The following FAF1 variants were observed in gnomAD, a reference collection of about 807,000 sequenced individuals.
FAF1 encodes the protein FAS-associated factor 1.
In FAF1, 25 loss-of-function variants were observed where a neutral mutation model predicts 92.5. That is an observed-to-expected ratio of 0.27 (90% CI 0.20 to 0.38). The LOEUF is 0.38. Ranked by LOEUF, FAF1 falls within the 10% of genes least tolerant of loss-of-function variation. The pLI, the probability that FAF1 is intolerant of heterozygous loss-of-function variation, is 1.00. For missense variants in FAF1, 636 were observed against 793.3 expected (o/e 0.80, Z 2.38); for synonymous variants, 234 against 273.2 (o/e 0.86, Z 1.42).
intron 7 of FAF1, among the ~76,000 whole-genome samples, chr1:50,705,444 A>C (rs927398030): frequency 2.0e-5 from 3 of 152,250 alleles, no homozygotes; most frequent in African/African-American, 2.4e-5. Context: ...CTTTCAAATA[A>C]AATATAAGCA....
intron 1 of FAF1, among the ~76,000 whole-genome samples, chr1:50,896,209 C>A (rs567375643): frequency 6.6e-6 from 1 of 152,122 alleles, no homozygotes; most frequent in Admixed American, 6.6e-5. Flanking sequence ...CACCTGAGCC[C>A]GGGAGGTTGA....
chr1:50,854,211 G>A (rs11205784), intron 2 of FAF1, among the ~76,000 whole-genome samples: 3,042 of 152,110 alleles, frequency 0.02, 100 homozygotes, highest in African/African-American at 0.07. Context: ...AAAACAGAAA[G>A]TGAGACGTGG....
At chr1:50,468,231 A>C (rs943324465) in intron 18 of FAF1, among the ~76,000 whole-genome samples, 1 of 152,036 alleles carries the variant, frequency 6.6e-6, no homozygotes, top group Non-Finnish European at 1.5e-5. Flanking sequence ...CAACAACAAC[A>C]AAACTGCATC....
intron 8 of FAF1, among the ~76,000 whole-genome samples, chr1:50,619,614 T>C (rs1363135098): frequency 6.6e-6 from 1 of 152,202 alleles, no homozygotes; most frequent in East Asian, 1.9e-4. Flanking sequence ...AATGGGGTTG[T>C]CTAGCCTGAT....
Position 50,462,023 on chromosome 1 carries a change from ATATAT to A in FAF1, c.1869+13436_1869+13440del, listed in dbSNP as rs951142514. On this transcript the variant is annotated intron_variant, in intron 18 of 18. Coordinates refer to ENST00000396153, the MANE Select transcript of FAF1 (RefSeq NM_007051.3). ...ATATTATATACATTATATATATTTT[ATATAT>A]TATATTATATATTAATACCAATATA... 2.2e-4 allele frequency among the ~76,000 whole-genome samples: 32 copies of A among 147,986 alleles called. 1 individual carries two copies. The highest frequency in any genetic ancestry group is 6.3e-4 in the South Asian group (3 of 4,776).
chr1:50,455,209 G>C (rs557634691), intron 18 of FAF1, among the ~76,000 whole-genome samples: 1 of 152,296 alleles, frequency 6.6e-6, no homozygotes, highest in African/African-American at 2.4e-5. Context: ...CCTTTCAGAG[G>C]GGACAGAATT....
chr1:50,543,744 A>C (rs1399701579), intron 13 of FAF1, among the ~76,000 whole-genome samples: 2 of 152,022 alleles, frequency 1.3e-5, no homozygotes, highest in Non-Finnish European at 2.9e-5. Flanking sequence ...TGACTAAACC[A>C]ACACTGTCAC....
At chr1:50,442,516 A>AC (rs1241156836) in intron 18 of FAF1, among the ~76,000 whole-genome samples, 4 of 152,202 alleles carry the variant, frequency 2.6e-5, no homozygotes, top group Non-Finnish European at 5.9e-5. Flanking sequence ...GTGTGAGAGC[A>AC]ACTGTAAAGA....
chr1:50,816,419 T>A (rs1341194939), intron 2 of FAF1, among the ~76,000 whole-genome samples: 1 of 152,170 alleles, frequency 6.6e-6, no homozygotes, highest in East Asian at 1.9e-4. Flanking sequence ...TTAGCCAGGA[T>A]GGTTTCAATC....
rs1304849656 is a variant in FAF1, at chr1:50,578,195, T to G, written c.1113+4423A>C. Among the ~76,000 whole-genome samples, 3 of 152,190 alleles carry G rather than the reference T, an allele frequency of 2.0e-5. No homozygotes were observed. The East Asian group carries it at 5.8e-4, about 29-fold the overall frequency. ...TTTTATTTACTCTTGGAACTCAATT[T>G]CTCACTTCAAGTGAAGAATGCTGGT... On this transcript the variant is annotated intron_variant, in intron 12 of 18. Coordinates refer to ENST00000396153, the MANE Select transcript of FAF1 (RefSeq NM_007051.3).
intron 6 of FAF1, among the ~76,000 whole-genome samples, chr1:50,712,675 T>C (rs1021488671): frequency 1.3e-5 from 2 of 151,888 alleles, no homozygotes; most frequent in Admixed American, 6.6e-5. Context: ...AAAAATGCCA[T>C]GGTAATCTGT....
chr1:50,673,351 C>T (rs1319062796), intron 7 of FAF1, among the ~76,000 whole-genome samples: 1 of 151,966 alleles, frequency 6.6e-6, no homozygotes, highest in Non-Finnish European at 1.5e-5. Context: ...AACTGATAAA[C>T]CTAAGTTTAA....
intron 1 of FAF1, among the ~76,000 whole-genome samples, chr1:50,884,292 A>G: frequency 6.6e-6 from 1 of 151,992 alleles, no homozygotes; most frequent in East Asian, 1.9e-4. Flanking sequence ...AGGCGGATGG[A>G]TCACTTGAGG....
chr1:50,937,862 T>C (rs1176306460), intron 1 of FAF1, among the ~76,000 whole-genome samples: 3 of 152,198 alleles, frequency 2.0e-5, no homozygotes, highest in Non-Finnish European at 4.4e-5. Flanking sequence ...CGAAAAATCT[T>C]TGTCAAGTGA....
chr1:50,884,111 C>A (rs532255661), intron 1 of FAF1, among the ~76,000 whole-genome samples: 2 of 151,792 alleles, frequency 1.3e-5, no homozygotes, highest in South Asian at 2.1e-4. Context: ...GGCAACGGAG[C>A]GAGGAAGTAC....
chr1:50,882,968 A>T (rs1644626511), intron 1 of FAF1, among the ~76,000 whole-genome samples: 1 of 148,590 alleles, frequency 6.7e-6, no homozygotes, highest in Non-Finnish European at 1.5e-5. Context: ...TAGGCAACAG[A>T]GTGAGACTCT....
chr1:50,900,931 T>C lies in FAF1; in HGVS notation c.46-42934A>G, dbSNP rs182745606. ...CCCAGGTACTGTTACAATTTAAAGA[T>C]TTGATCTTGATGTGATTTCTAATAG... On this transcript the variant is annotated intron_variant, in intron 1 of 18. Coordinates refer to ENST00000396153, the MANE Select transcript of FAF1 (RefSeq NM_007051.3). 3.6e-4 allele frequency among the ~76,000 whole-genome samples: 55 copies of C among 152,294 alleles called. 4 individuals are homozygous for C. The highest frequency in any genetic ancestry group is 1.3e-3 in the African/African-American group (54 of 41,572).
intron 6 of FAF1, among the ~76,000 whole-genome samples, chr1:50,730,391 T>C (rs533809531): frequency 1.6e-4 from 24 of 152,122 alleles, no homozygotes; most frequent in Non-Finnish European, 3.4e-4. Context: ...ATTTTGTTTA[T>C]GCTTACTCTC....
intron 2 of FAF1, among the ~76,000 whole-genome samples, chr1:50,836,846 A>T (rs1644209680): frequency 6.6e-6 from 1 of 152,150 alleles, no homozygotes; most frequent in Non-Finnish European, 1.5e-5. Context: ...TATCATTATC[A>T]AAGTCAAAAA....
Sources: gnomAD v4.1 joint callset for allele counts (sites outside exome capture counted in the v4.1 genomes callset) on GRCh38, gnomAD v4.1.1 for gene constraint, MANE v1.5 for transcripts, NCBI Gene and HGNC (gene_info 2026-07-23, HGNC 2026-07-21) for gene names.